Variants in PHF10 observed in about 807,000 individuals in gnomAD.
The protein encoded by PHF10 is PHD finger protein 10, also known as BRG1-associated factor 45a.
PHF10 carries 51 observed loss-of-function variants against 68.5 expected under a neutral mutation model. The observed-to-expected ratio is 0.74, with a 90% CI of 0.59 to 0.94. The LOEUF (loss-of-function observed/expected upper bound fraction) is 0.94. Among genes scored for constraint, PHF10 ranks in the 40% least tolerant of loss-of-function variants. PHF10 has a pLI of 0.00. For synonymous variants in PHF10, 204 were observed against 203.5 expected (o/e 1.00, Z -0.02); for missense variants, 460 against 602.6 (o/e 0.76, Z 2.48).
At chr6:169,714,979 T>C in intron 6 of PHF10, 137 bp from the exon 7 acceptor site, 1 of 635,262 alleles carries the variant, frequency 1.6e-6, no homozygotes, top group Non-Finnish European at 2.8e-6. Flanking sequence ...TCAGGAGCTA[T>C]AACCTAAGAG....
intron 9 of PHF10, 75 bp from the exon 10 acceptor site, chr6:169,705,799 T>C (rs1562984049): frequency 1.2e-6 from 1 of 801,060 alleles, no homozygotes; most frequent in Non-Finnish European, 2.2e-6. Flanking sequence ...TCTGTTACTT[T>C]ATTGCCCTAT....
rs559081855 is a variant in PHF10, at chr6:169,715,575, AAAAC to A, written c.693+129_693+132del. On this transcript the variant is annotated intron_variant, in intron 6 of 11. Transcript: ENST00000339209. The stretch of plus-strand genomic sequence containing the variant: ...CAGACTCTGCCACAAAAAACAAAAC[AAAAC>A]AAACAAACAAACAAAAAAAACACAC... 1,110 of 849,564 alleles carry A rather than the reference AAAAC, an allele frequency of 1.3e-3. 3 individuals carry two copies. Among genetic ancestry groups the A allele is most frequent in the Middle Eastern group, 2.6e-3 (7 of 2,700 alleles). The allele number at this position is 849,564 out of a possible 1,614,324, so 52.6% of individuals were successfully genotyped here.
In PHF10 at chr6:169,721,059, C is replaced by T; in HGVS notation, c.140G>A (p.Arg47Gln). ...NDGTQPSKRRRMGSGDSSRSC... is the reference protein window; with the variant it reads ...NDGTQPSKRRQMGSGDSSRSC... ...CCTAGAACTATCTCCTGAGCCCATT[C>T]GCCTCCTTTTGGATGGCTGGGTCCC... The change falls in exon 2 of 12, where the codon CGA (arginine) becomes CAA (glutamine). Residue 47 changes from arginine to glutamine, a missense_variant. Arg to Gln is a conservative substitution (Grantham distance 43). Coordinates refer to ENST00000339209, the MANE Select transcript of PHF10 (RefSeq NM_018288.4). 2 of 1,547,814 alleles carry T rather than the reference C, an allele frequency of 1.3e-6. No individual in the cohort carries two copies. Among genetic ancestry groups the T allele is most frequent in the Non-Finnish European group, 1.7e-6 (2 of 1,145,344 alleles).
rs766996166 is a variant in PHF10, at chr6:169,715,782, C to A, written c.619G>T (p.Ala207Ser). 2 of 1,613,680 alleles carry A rather than the reference C, an allele frequency of 1.2e-6. No individual in the cohort carries two copies. Among genetic ancestry groups the A allele is most frequent in the Non-Finnish European group, 1.7e-6 (2 of 1,179,910 alleles). ...TTTAAGTTGCTATTAAATTCTGCTG[C>A]TTTTTTGGCAGCTTTCTTAATATAC... ...PEYIKKAAKK[A>S]AEFNSNLNRE... Residue 207 changes from alanine (A) to serine (S), a missense_variant, in exon 6 of 12, where the codon GCA becomes TCA. Transcript: ENST00000339209.
chr6:169,723,934 G>T lies in PHF10; in HGVS notation c.-3C>A. On this transcript the variant is annotated 5_prime_UTR_variant, in exon 1 of 12. The change creates a new upstream start codon in the 5' untranslated region. Transcript: ENST00000339209. ...CCGGGCCCGGCCGCCGCCGCCATCAGCCCGAGCGCCCCGCGCCGCCGCCGC... is the reference window on the plus strand; with the variant it reads ...CCGGGCCCGGCCGCCGCCGCCATCATCCCGAGCGCCCCGCGCCGCCGCCGC... The T allele has an allele frequency of 3.1e-6, 3 of 958,222 alleles. No homozygotes were observed. The highest frequency in any genetic ancestry group is 3.8e-6 in the Non-Finnish European group (3 of 799,776). 59.4% of individuals were successfully genotyped at this position (958,222 alleles called of 1,614,324 possible).
intron 3 of PHF10, 143 bp downstream of exon 3, chr6:169,718,645 G>T: frequency 1.8e-6 from 1 of 557,472 alleles, no homozygotes; most frequent in East Asian, 3.0e-5. Context: ...TCTAGCCTGG[G>T]TTACAGAATG....
In PHF10 at chr6:169,723,865, G is replaced by T; in HGVS notation, c.67C>A (p.Pro23Thr). Residue 23 changes from proline (P) to threonine (T), a missense_variant, in exon 1 of 12, where the codon CCC becomes ACC. By Grantham distance (38) the Pro-to-Thr change is conservative. Transcript: ENST00000339209. ...PRPCDSDPAT[P>T]GAQSPKDDNE... ...CTCACCTTCGGGGACTGCGCTCCGG[G>T]GGTGGCTGGGTCGCTGTCGCACGGC... The T allele has an allele frequency of 9.1e-7, 1 of 1,096,702 alleles. No individual in the cohort carries two copies. Among genetic ancestry groups the T allele is most frequent in the Non-Finnish European group, 1.1e-6 (1 of 895,206 alleles). 67.9% of individuals were successfully genotyped at this position (1,096,702 alleles called of 1,614,324 possible).
At chr6:169,708,371 T>G (rs1788854227) in intron 9 of PHF10, 1 of 152,190 alleles carries the variant, frequency 6.6e-6, no homozygotes, top group South Asian at 2.1e-4. Flanking sequence ...TGAATCTTAT[T>G]AAGCAAAGCA....
intron 11 of PHF10, 109 bp downstream of exon 11, chr6:169,705,024 A>AT (rs2128328404): frequency 1.4e-6 from 1 of 734,346 alleles, no homozygotes; most frequent in Non-Finnish European, 2.2e-6. Flanking sequence ...ATATTTGCAC[A>AT]TAAGAGTCCA....
intron 8 of PHF10, among the ~76,000 whole-genome samples, chr6:169,711,923 G>A (rs1788933435): frequency 1.3e-5 from 2 of 151,730 alleles, no homozygotes; most frequent in African/African-American, 4.8e-5. Flanking sequence ...TGTCTTGCAG[G>A]TGCATTTTGC....
At chr6:169,705,033 C>T (rs1424275803) in intron 11 of PHF10, 100 bp downstream of exon 11, 2 of 832,578 alleles carry the variant, frequency 2.4e-6, no homozygotes, top group East Asian at 5.3e-5. Flanking sequence ...CATAAGAGTC[C>T]ACAAGCTCTT....
At chr6:169,721,711 A>C (rs1218660420) in intron 1 of PHF10, among the ~76,000 whole-genome samples, 1 of 152,172 alleles carries the variant, frequency 6.6e-6, no homozygotes, top group African/African-American at 2.4e-5. Flanking sequence ...TTTTTAATGT[A>C]ATCCATTATG....
intron 1 of PHF10, among the ~76,000 whole-genome samples, chr6:169,722,554 C>G (rs1353121649): frequency 2.6e-5 from 4 of 152,134 alleles, no homozygotes; most frequent in African/African-American, 9.7e-5. Flanking sequence ...ACAATTTCAT[C>G]AAGTGTTTTA....
At chr6:169,709,626 C>G (rs1788882904) in intron 9 of PHF10, 1 of 152,126 alleles carries the variant, frequency 6.6e-6, no homozygotes, top group Non-Finnish European at 1.5e-5. Flanking sequence ...AACAAGTTAA[C>G]AAGTATGTTT....
At chr6:169,712,309 G>T in intron 8 of PHF10, 77 bp downstream of exon 8, 1 of 1,186,210 alleles carries the variant, frequency 8.4e-7, no homozygotes, top group Non-Finnish European at 1.2e-6. Context: ...TTCAAGGAGA[G>T]GGTGATGACA....
At chr6:169,704,238 G>C (rs995578186) in intron 11 of PHF10, 150 bp from the exon 12 acceptor site, 3 of 557,244 alleles carry the variant, frequency 5.4e-6, no homozygotes, top group East Asian at 3.3e-5. Flanking sequence ...CTTAATTTAA[G>C]GAAAAAATGT....
chr6:169,708,700 T>C (rs1338658403), intron 9 of PHF10: 4 of 152,190 alleles, frequency 2.6e-5, no homozygotes, highest in Admixed American at 6.6e-5. Flanking sequence ...TAGTGTTGAA[T>C]AGCTGATTTC....
At chr6:169,709,614 TCAA>T (rs1247845385) in intron 9 of PHF10, 1 of 152,204 alleles carries the variant, frequency 6.6e-6, no homozygotes, top group Non-Finnish European at 1.5e-5. Flanking sequence ...GATAATCAGA[TCAA>T]CAAGTTAACA....
At chr6:169,706,795 AAAT>A (rs1339662685) in intron 9 of PHF10, among the ~76,000 whole-genome samples, 1 of 150,978 alleles carries the variant, frequency 6.6e-6, no homozygotes, top group African/African-American at 2.4e-5. Context: ...TGAACTGGGA[AAAT>A]AATTATTTTA....
Sources: gnomAD v4.1 joint callset for allele counts (sites outside exome capture counted in the v4.1 genomes callset) on GRCh38, gnomAD v4.1.1 for gene constraint, MANE v1.5 for transcripts, NCBI Gene and HGNC (gene_info 2026-07-23, HGNC 2026-07-21) for gene names.